Variants in EFCAB5 observed in about 807,000 individuals in gnomAD.
The protein encoded by EFCAB5 is EF-hand calcium-binding domain-containing protein 5.
EFCAB5 carries 131 observed loss-of-function variants against 167.9 expected under a neutral mutation model. The observed-to-expected ratio is 0.78, with a 90% CI of 0.68 to 0.90. The LOEUF (loss-of-function observed/expected upper bound fraction) is 0.90, where lower values mean the gene tolerates loss of function less well. Ranked by LOEUF, EFCAB5 falls within the 40% of genes least tolerant of loss-of-function variation. EFCAB5 has a pLI of 0.00. For synonymous variants in EFCAB5, 574 were observed against 602.8 expected (o/e 0.95, Z 0.70); for missense variants, 1,663 against 1,745.2 (o/e 0.95, Z 0.84).
At chr17:30,008,006 G>A (rs1055104251) in intron 7 of EFCAB5, among the ~76,000 whole-genome samples, 12 of 151,874 alleles carry the variant, frequency 7.9e-5, no homozygotes, top group East Asian at 3.9e-4. Context: ...GAAAAGCTGC[G>A]TCATTTGATA....
At chr17:30,003,655 ATG>A (rs2068715429) in intron 7 of EFCAB5, among the ~76,000 whole-genome samples, 1 of 150,372 alleles carries the variant, frequency 6.7e-6, no homozygotes, top group African/African-American at 2.4e-5. Flanking sequence ...GTTTTTCTTC[ATG>A]TCTTTTATTT....
chr17:29,989,424 GC>G (rs2068362953), intron 4 of EFCAB5, among the ~76,000 whole-genome samples: 1 of 152,186 alleles, frequency 6.6e-6, no homozygotes, highest in Non-Finnish European at 1.5e-5. Context: ...ATGCCTTGTG[GC>G]AACACTTTCC....
intron 7 of EFCAB5, among the ~76,000 whole-genome samples, chr17:30,003,053 G>C (rs2068695367): frequency 7.1e-6 from 1 of 141,146 alleles, no homozygotes; most frequent in Non-Finnish European, 1.5e-5. Context: ...ATGTTGCTGA[G>C]ACTCTGAGAT....
At chr17:30,060,232 A>T (rs1425818688) in intron 14 of EFCAB5, among the ~76,000 whole-genome samples, 1 of 137,836 alleles carries the variant, frequency 7.3e-6, no homozygotes, top group Non-Finnish European at 1.7e-5. Context: ...AAATAAAAAA[A>T]AATTTAAAAA....
upstream of EFCAB5, among the ~76,000 whole-genome samples, chr17:29,936,999 C>T (rs752016430): frequency 6.6e-6 from 1 of 152,168 alleles, no homozygotes; most frequent in African/African-American, 2.4e-5. Flanking sequence ...ACAATAGCTA[C>T]ATACCAGGTG....
intron 4 of EFCAB5, among the ~76,000 whole-genome samples, chr17:29,969,828 G>T (rs1341684941): frequency 6.6e-6 from 1 of 151,886 alleles, no homozygotes; most frequent in African/African-American, 2.4e-5. Context: ...GATCCTTATA[G>T]AATTTCTTTA....
At chr17:30,042,630 G>A (rs1326988359) in intron 8 of EFCAB5, among the ~76,000 whole-genome samples, 1 of 152,008 alleles carries the variant, frequency 6.6e-6, no homozygotes, top group Non-Finnish European at 1.5e-5. Context: ...GTATAAAGAA[G>A]TATAATTAAT....
chr17:30,080,630 G>T, intron 16 of EFCAB5, 123 bp from the exon 17 acceptor site: 1 of 700,796 alleles, frequency 1.4e-6, no homozygotes, highest in Non-Finnish European at 2.4e-6. Context: ...CATCTTATCT[G>T]AGTCCACTGC....
In EFCAB5 at chr17:30,059,635, C is replaced by T. The variant is rs2070371097; in HGVS notation, c.2671C>T (p.Leu891=). ...CAGTGATGGCTCAGGCTTCCTGGAT[C>T]TGAAGGAAGTTGATGAACTCTTGTA... ...WDSDGSGFLD[L]KEVDELLYTY... is the part of the protein sequence containing the mutation. The change falls in exon 14 of 23, where the codon CTG becomes TTG. Residue 891 remains leucine (L), a synonymous_variant. Transcript: ENST00000394835. 1 of 1,612,474 alleles carries T rather than the reference C, an allele frequency of 6.2e-7. No individual in the cohort carries two copies. The highest frequency in any genetic ancestry group is 1.3e-5 in the African/African-American group (1 of 74,882).
intron 3 of EFCAB5, among the ~76,000 whole-genome samples, chr17:29,962,008 G>A (rs2067729276): frequency 6.6e-6 from 1 of 152,162 alleles, no homozygotes; most frequent in Non-Finnish European, 1.5e-5. Context: ...ATATATGAGA[G>A]TTTATTTCTG....
chr17:29,984,337 C>G (rs1567695230), intron 4 of EFCAB5, among the ~76,000 whole-genome samples: 1 of 151,568 alleles, frequency 6.6e-6, no homozygotes, highest in Non-Finnish European at 1.5e-5. Context: ...CAGACAAGCT[C>G]TCAGAACTTT....
chr17:29,932,232 C>A (rs2067206706), intron 1 of EFCAB5, among the ~76,000 whole-genome samples: 1 of 150,004 alleles, frequency 6.7e-6, no homozygotes, highest in Non-Finnish European at 1.5e-5. Flanking sequence ...CTCACTGCAA[C>A]CTCCGCCTCC....
intron 19 of EFCAB5, among the ~76,000 whole-genome samples, chr17:30,088,564 G>A (rs1597558643): frequency 6.6e-6 from 1 of 152,314 alleles, no homozygotes; most frequent in East Asian, 1.9e-4. Flanking sequence ...GAGTTGGAGA[G>A]AAGGCAAAGC....
chr17:30,100,662 G>C (rs1224858659), intron 22 of EFCAB5, among the ~76,000 whole-genome samples: 1 of 152,118 alleles, frequency 6.6e-6, no homozygotes, highest in East Asian at 1.9e-4. Flanking sequence ...AGCTACTCAG[G>C]AGGCTGAGGC....
intron 22 of EFCAB5, among the ~76,000 whole-genome samples, chr17:30,100,379 A>G (rs2071364335): frequency 6.6e-6 from 1 of 152,216 alleles, no homozygotes; most frequent in East Asian, 1.9e-4. Context: ...CTATGGGGGA[A>G]AAAGCAAAGT....
At chr17:29,993,031 A>G in intron 4 of EFCAB5, 134 bp from the exon 5 acceptor site, 2 of 774,822 alleles carry the variant, frequency 2.6e-6, no homozygotes, top group South Asian at 2.5e-5. Context: ...AGGGCTCACT[A>G]CAGGCCTGAA....
intron 8 of EFCAB5, among the ~76,000 whole-genome samples, chr17:30,038,308 A>G (rs147183450): frequency 6.6e-6 from 1 of 152,226 alleles, no homozygotes; most frequent in South Asian, 2.1e-4. Flanking sequence ...AATTATGCCA[A>G]ATCTACTCTG....
intron 22 of EFCAB5, among the ~76,000 whole-genome samples, chr17:30,095,571 C>G (rs569612934): frequency 1.3e-5 from 2 of 152,254 alleles, no homozygotes; most frequent in Non-Finnish European, 2.9e-5. Context: ...TGCCACGCTC[C>G]CTGCAACTCC....
chr17:30,030,959 C>G (rs1289924055), intron 7 of EFCAB5, among the ~76,000 whole-genome samples: 1 of 152,160 alleles, frequency 6.6e-6, no homozygotes, highest in Non-Finnish European at 1.5e-5. Flanking sequence ...CCAGAAAGCT[C>G]ATATGGCTTT....
Sources: gnomAD v4.1 joint callset for allele counts (sites outside exome capture counted in the v4.1 genomes callset) on GRCh38, gnomAD v4.1.1 for gene constraint, MANE v1.5 for transcripts, NCBI Gene and HGNC (gene_info 2026-07-23, HGNC 2026-07-21) for gene names.